Variants in GDA observed in about 807,000 individuals in gnomAD.
The protein encoded by GDA is cytoplasmic PSD-95 interactor.
In GDA, 18 loss-of-function variants were observed where a neutral mutation model predicts 59.6. The ratio of observed to expected loss-of-function variants is 0.30; its 90% confidence interval spans 0.21 to 0.45. The LOEUF (loss-of-function observed/expected upper bound fraction) is 0.45. GDA is among the 20% of genes least tolerant of loss of function. GDA has a pLI of 1.00. For missense variants in GDA, 427 were observed against 552.3 expected, an observed-to-expected ratio of 0.77 and a Z score of 2.27; for synonymous variants, 201 against 201.1, an observed-to-expected ratio of 1.00 and a Z score of 0.00.
Position 72,149,451 on chromosome 9 carries a change from G to T in GDA, c.-109G>T. The T allele has an allele frequency of 7.4e-7, 1 of 1,351,054 alleles. No individual in the cohort carries two copies. The highest frequency in any genetic ancestry group is 1.3e-5 in the South Asian group (1 of 74,300). 83.7% of individuals were successfully genotyped at this position (1,351,054 alleles called of 1,614,324 possible). A position where few individuals can be genotyped will look rare whatever the true frequency, so the allele number is the denominator to read the frequency against. On this transcript the variant is annotated 5_prime_UTR_variant, in exon 1 of 14. Coordinates refer to ENST00000358399, the MANE Select transcript of GDA (RefSeq NM_004293.5). The stretch of plus-strand genomic sequence containing the variant: ...GGGTAAGCGGGGGCAGGACAAGGCC[G>T]GAGCCTGTGTCCGCCCGGCAGCCGC...
At chr9:72,174,210 C>A (rs971417282) in intron 1 of GDA, among the ~76,000 whole-genome samples, 1 of 152,182 alleles carries the variant, frequency 6.6e-6, no homozygotes, top group South Asian at 2.1e-4. Flanking sequence ...CTGTGCCAGG[C>A]ACTGAGAGTA....
intron 9 of GDA, among the ~76,000 whole-genome samples, chr9:72,229,778 A>G (rs1478581573): frequency 6.6e-6 from 1 of 152,208 alleles, no homozygotes; most frequent in Non-Finnish European, 1.5e-5. Flanking sequence ...TGTCAGTGTC[A>G]TTATGGGAAG....
rs554848015 is a variant in GDA, at chr9:72,163,788, G to C, written c.123+14106G>C. Among the ~76,000 whole-genome samples the C allele has an allele frequency of 7.0e-4, 106 of 152,140 alleles. 2 individuals carry two copies. Among genetic ancestry groups the C allele is most frequent in the Admixed American group, 6.9e-3 (106 of 15,270 alleles). On this transcript the variant is annotated intron_variant, in intron 1 of 13. Coordinates refer to ENST00000358399, the MANE Select transcript of GDA (RefSeq NM_004293.5). The stretch of plus-strand genomic sequence containing the variant: ...ATTACAGGCGTGAGCCACCATGCCC[G>C]GCCAACTATTCTTAAAGTCACAGGA...
intron 10 of GDA, among the ~76,000 whole-genome samples, chr9:72,234,569 A>C (rs1490417243): frequency 6.6e-6 from 1 of 152,160 alleles, no homozygotes; most frequent in African/African-American, 2.4e-5. Flanking sequence ...GAAGCCCAGA[A>C]ACCACAGAGC....
chr9:72,130,761 T>C (rs1052049828), intron 1 of GDA, among the ~76,000 whole-genome samples: 1 of 152,212 alleles, frequency 6.6e-6, no homozygotes, highest in African/African-American at 2.4e-5. Flanking sequence ...TTGATTCTTG[T>C]GTGAGCTGAG....
At chr9:72,182,017 C>A (rs377061882) in intron 1 of GDA, among the ~76,000 whole-genome samples, 16 of 152,162 alleles carry the variant, frequency 1.1e-4, no homozygotes, top group African/African-American at 3.1e-4. Context: ...TAGGTAGACA[C>A]ACACATGCAC....
At chr9:72,119,252 C>T (rs986926979) in intron 1 of GDA, among the ~76,000 whole-genome samples, 1 of 152,172 alleles carries the variant, frequency 6.6e-6, no homozygotes, top group Non-Finnish European at 1.5e-5. Context: ...CACCTGCAAT[C>T]CCAGCACTTC....
chr9:72,248,381 TG>T lies in GDA; in HGVS notation c.*41del. On this transcript the variant is annotated 3_prime_UTR_variant, in exon 14 of 14. Transcript: ENST00000358399. ...CTACAAAGTTCTCCTGGGATTAGCG[TG>T]GTTCTGCATCTCCCTTGTGCCCAGG... 6.2e-7 allele frequency: 1 copy of T among 1,612,410 alleles called. No individual in the cohort carries two copies. The highest frequency in any genetic ancestry group is 8.5e-7 in the Non-Finnish European group (1 of 1,179,218).
chr9:72,221,432 A>G (rs1236838574), intron 6 of GDA, among the ~76,000 whole-genome samples: 1 of 151,548 alleles, frequency 6.6e-6, no homozygotes. Context: ...TTTTCATGAA[A>G]CCCCGTACTT....
At chr9:72,129,265 T>C (rs1362803720) in intron 1 of GDA, among the ~76,000 whole-genome samples, 1 of 151,222 alleles carries the variant, frequency 6.6e-6, no homozygotes, top group East Asian at 1.9e-4. Context: ...GCCCAGTCTC[T>C]TTCTTTTGAT....
chr9:72,234,393 T>C, intron 10 of GDA, among the ~76,000 whole-genome samples: 1 of 152,350 alleles, frequency 6.6e-6, no homozygotes, highest in Non-Finnish European at 1.5e-5. Context: ...ATCTAAGTTA[T>C]ATATGTATTA....
intron 10 of GDA, among the ~76,000 whole-genome samples, chr9:72,236,442 TAA>T (rs1838999571): frequency 6.6e-6 from 1 of 152,194 alleles, no homozygotes. Context: ...CCTCATATCA[TAA>T]GTTATTGAGA....
chr9:72,223,197 C>T lies in GDA; in HGVS notation c.684C>T (p.Asn228=). 14 of 1,612,264 alleles carry T rather than the reference C, an allele frequency of 8.7e-6. No individual in the cohort carries two copies. The highest frequency in any genetic ancestry group is 1.2e-5 in the Non-Finnish European group (14 of 1,178,452). Residue 228 remains asparagine, a synonymous_variant, in exon 7 of 14, where the codon AAC becomes AAT. Transcript: ENST00000358399. The part of the protein sequence containing the change: ...CSETLMGELG[N]IAKTRDLHIQ... Reference sequence around the variant, plus strand: ...AGACTTTGATGGGTGAACTGGGCAACATTGCTAAAACCCGTGATTTGCACA... The same window carrying T: ...AGACTTTGATGGGTGAACTGGGCAATATTGCTAAAACCCGTGATTTGCACA...
chr9:72,153,426 T>C lies in GDA; in HGVS notation c.123+3744T>C, dbSNP rs574128955. Among the ~76,000 whole-genome samples the C allele has an allele frequency of 1.4e-4, 22 of 151,926 alleles. No homozygotes were observed. The East Asian group carries it at 4.1e-3, about 28-fold the overall frequency. ...CCATTGTGGAAGTCAGTGTGGCGATTCCTCAGGGATCTAGAACTAGAAATA... is the reference window on the plus strand; with the variant it reads ...CCATTGTGGAAGTCAGTGTGGCGATCCCTCAGGGATCTAGAACTAGAAATA... On this transcript the variant is annotated intron_variant, in intron 1 of 13. Transcript: ENST00000358399.
intron 9 of GDA, among the ~76,000 whole-genome samples, chr9:72,230,395 G>GT (rs1341543364): frequency 1.3e-3 from 194 of 151,970 alleles, no homozygotes; most frequent in African/African-American, 4.5e-3. Flanking sequence ...GCTGATGTAG[G>GT]AGAATCGCTT....
At chr9:72,253,011 T>C (rs934946193), downstream of GDA, among the ~76,000 whole-genome samples, 2 of 152,196 alleles carry the variant, frequency 1.3e-5, no homozygotes, top group African/African-American at 2.4e-5. Context: ...TTTATCAGTA[T>C]ATATTTTAGA....
intron 7 of GDA, among the ~76,000 whole-genome samples, chr9:72,224,661 A>G (rs912207800): frequency 1.3e-5 from 2 of 152,182 alleles, no homozygotes; most frequent in African/African-American, 2.4e-5. Context: ...AGGGCACAGA[A>G]TGGAGACAGG....
chr9:72,136,496 A>G (rs1469016435), intron 1 of GDA, among the ~76,000 whole-genome samples: 1 of 152,336 alleles, frequency 6.6e-6, no homozygotes, highest in African/African-American at 2.4e-5. Flanking sequence ...CTATTCTTCT[A>G]AATTGCCTTA....
At position 72,249,265 on chromosome 9, in the gene GDA, C is replaced by T; in HGVS notation, c.*923C>T. 1 of 985,330 alleles carries T rather than the reference C, an allele frequency of 1.0e-6. No homozygotes were observed. The highest frequency in any genetic ancestry group is 1.2e-6 in the Non-Finnish European group (1 of 829,852). 61.0% of individuals were successfully genotyped at this position (985,330 alleles called of 1,614,324 possible). ...GGCATCCAGGAGCCGCCAATACTAA[C>T]AGGACAGGTTCCATTGCCATGGCCT... On this transcript the variant is annotated 3_prime_UTR_variant, in exon 14 of 14. Transcript: ENST00000358399.
Sources: gnomAD v4.1 joint callset for allele counts (sites outside exome capture counted in the v4.1 genomes callset) on GRCh38, gnomAD v4.1.1 for gene constraint, MANE v1.5 for transcripts, NCBI Gene and HGNC (gene_info 2026-07-23, HGNC 2026-07-21) for gene names.